SLC25A53: variants seen among roughly 807,000 people sequenced by gnomAD.
The protein encoded by SLC25A53 is solute carrier family 25 member 53.
In SLC25A53, 5 loss-of-function variants were observed where a neutral mutation model predicts 15.0. The ratio of observed to expected loss-of-function variants is 0.33; its 90% CI spans 0.17 to 0.70. The LOEUF (loss-of-function observed/expected upper bound fraction) is 0.70, where lower values mean the gene tolerates loss of function less well. Ranked by LOEUF, SLC25A53 falls within the 30% of genes least tolerant of loss-of-function variation. SLC25A53 has a pLI of 0.67. For missense variants in SLC25A53, 216 were observed against 241.6 expected (o/e 0.89, Z 0.70); for synonymous variants, 95 against 100.0 (o/e 0.95, Z 0.30).
intron 1 of SLC25A53, among the ~76,000 whole-genome samples, chrX:104,138,796 G>T (rs1328089707): frequency 8.9e-6 from 1 of 111,992 alleles, no homozygotes; most frequent in Non-Finnish European, 1.9e-5. Flanking sequence ...GCCAAACTCC[G>T]TGTCGTTCTG....
rs190561780 is a variant in SLC25A53, at chrX:104,101,302, T to A, written c.*3032A>T. The A allele has an allele frequency of 3.6e-5, 4 of 111,712 alleles. No homozygotes were observed. In the East Asian group the frequency reaches 1.1e-3, roughly 32 times the overall value. The allele number at this position is 111,712 out of a possible 1,213,427, so 9.2% of individuals were successfully genotyped here. A position where few individuals can be genotyped will look rare whatever the true frequency, so the allele number is the denominator to read the frequency against. On this transcript the variant is annotated 3_prime_UTR_variant, in exon 2 of 2. Coordinates refer to ENST00000594199, the MANE Select transcript of SLC25A53 (RefSeq NM_001012755.5). ...AGTGCTTTGGGGTTTTTATGGAAGC[T>A]TCATTGCGTAGGCATGATTGATTAA...
chrX:104,149,937 G>A (rs2075479935), intron 1 of SLC25A53, among the ~76,000 whole-genome samples: 1 of 111,483 alleles, frequency 9.0e-6, no homozygotes, highest in Admixed American at 9.6e-5. Flanking sequence ...AGCTCTGTTA[G>A]ATAGTAACCA....
chrX:104,135,308 G>T (rs1052686938), intron 1 of SLC25A53, among the ~76,000 whole-genome samples: 1 of 109,575 alleles, frequency 9.1e-6, no homozygotes, highest in African/African-American at 3.3e-5. Context: ...ATGATCCCCA[G>T]ATTTTCACTC....
At position 104,150,239 on chromosome X, in the gene SLC25A53, G is replaced by GAA. The variant is rs782747085; in HGVS notation, c.-32+6637_-32+6638dup. Among the ~76,000 whole-genome samples, 177 of 52,062 alleles carry GAA rather than the reference G, an allele frequency of 3.4e-3. 2 individuals are homozygous for GAA. The highest frequency in any genetic ancestry group is 0.012 in the African/African-American group (170 of 14,194). 45.2% of individuals were successfully genotyped at this position (52,062 alleles called of 115,157 possible). A position where few individuals can be genotyped will look rare whatever the true frequency, so the allele number is the denominator to read the frequency against. On this transcript the variant is annotated intron_variant, in intron 1 of 1. Transcript: ENST00000594199. ...CAGAGCAAGACTCTGTCTCAAAAAAGAAAAAAAAAAAAAAAAGAAGGTAAC... is the reference window on the plus strand; with the variant it reads ...CAGAGCAAGACTCTGTCTCAAAAAAGAAAAAAAAAAAAAAAAAAGAAGGTAAC...
At chrX:104,116,887 A>G (rs782626458) in intron 1 of SLC25A53, among the ~76,000 whole-genome samples, 2 of 110,457 alleles carry the variant, frequency 1.8e-5, no homozygotes, top group African/African-American at 6.6e-5. Context: ...TGCTCCATCC[A>G]TATCCCCACA....
chrX:104,156,572 G>GTT (rs2075501976), intron 1 of SLC25A53, among the ~76,000 whole-genome samples: 2 of 110,717 alleles, frequency 1.8e-5, no homozygotes, highest in Admixed American at 1.9e-4. Flanking sequence ...CAGACAACAC[G>GTT]TTTTCGCCCT....
intron 1 of SLC25A53, among the ~76,000 whole-genome samples, chrX:104,109,067 A>G (rs2075326079): frequency 8.9e-6 from 1 of 111,849 alleles, no homozygotes; most frequent in South Asian, 3.8e-4. Context: ...CTCAATCCTT[A>G]ATTGAGTAGA....
At chrX:104,126,187 C>T (rs536585907) in intron 1 of SLC25A53, among the ~76,000 whole-genome samples, 1 of 110,747 alleles carries the variant, frequency 9.0e-6, no homozygotes, top group African/African-American at 3.3e-5. Flanking sequence ...CACATGCCTG[C>T]AGTCTTAGCT....
chrX:104,137,391 C>A (rs187598170), intron 1 of SLC25A53, among the ~76,000 whole-genome samples: 1 of 110,565 alleles, frequency 9.0e-6, no homozygotes, highest in African/African-American at 3.3e-5. Flanking sequence ...CCTGGAGATA[C>A]GCTCTGCTTG....
At chrX:104,116,379 G>A (rs782711622) in intron 1 of SLC25A53, among the ~76,000 whole-genome samples, 1 of 111,362 alleles carries the variant, frequency 9.0e-6, no homozygotes, top group South Asian at 3.8e-4. Flanking sequence ...ATGCAGACCT[G>A]AGGACCTGAG....
intron 1 of SLC25A53, among the ~76,000 whole-genome samples, chrX:104,124,492 T>C (rs782016567): frequency 1.3e-4 from 14 of 111,888 alleles, no homozygotes; most frequent in Non-Finnish European, 2.4e-4. Flanking sequence ...CTCATGCCTG[T>C]AATCCCAACA....
At chrX:104,135,263 C>G (rs1391839994) in intron 1 of SLC25A53, among the ~76,000 whole-genome samples, 1 of 110,654 alleles carries the variant, frequency 9.0e-6, no homozygotes, top group African/African-American at 3.3e-5. Context: ...GTGATGGCAT[C>G]CCCTGGCAAG....
chrX:104,110,455 G>C (rs73530831), intron 1 of SLC25A53, among the ~76,000 whole-genome samples: 4,167 of 111,597 alleles, frequency 0.037, 193 homozygotes, highest in African/African-American at 0.13. Flanking sequence ...AGGAACTCTA[G>C]ATCTTGGGGT....
In SLC25A53 at chrX:104,104,478, G is replaced by T. The variant is rs782442457; in HGVS notation, c.780C>A (p.Asn260Lys). Residue 260 changes from asparagine (N) to lysine (K), a missense_variant, in exon 2 of 2, where the codon AAC becomes AAA. Asn to Lys is a moderately conservative substitution (Grantham distance 94, BLOSUM62 0). Coordinates refer to ENST00000594199, the MANE Select transcript of SLC25A53 (RefSeq NM_001012755.5). ...SLWASAQDVW[N>K]TRGRKLLLIY... ...TCAGGAGCAGCTTTCGGCCCCGAGT[G>T]TTCCATACATCCTGGGCAGAGGCCC... is the stretch of plus-strand genomic sequence containing the variant. 5.0e-6 allele frequency: 6 copies of T among 1,210,363 alleles called. No homozygotes were observed. In the African/African-American group the frequency reaches 1.0e-4, roughly 21 times the overall value.
chrX:104,152,064 GT>G (rs112822313), intron 1 of SLC25A53, among the ~76,000 whole-genome samples: 2 of 107,778 alleles, frequency 1.9e-5, no homozygotes, highest in African/African-American at 3.3e-5. Context: ...TTTCTTTTCT[GT>G]TTTTTTTGTT....
rs782700094 is a variant in SLC25A53 at position 104,108,203 on chromosome X, C to A, written c.-31-2915G>T. ...AGGCTTTGGAAAGGGCAGACAGACC[C>A]GAGACTGAATTCTGCCTCTGCCACT... On this transcript the variant is annotated intron_variant, in intron 1 of 1. Transcript: ENST00000594199. Among the ~76,000 whole-genome samples, 4 of 111,557 alleles carry A rather than the reference C, an allele frequency of 3.6e-5. No individual in the cohort carries two copies. In the Admixed American group the frequency reaches 3.8e-4, roughly 11 times the overall value.
At chrX:104,154,295 C>T (rs1472520966) in intron 1 of SLC25A53, among the ~76,000 whole-genome samples, 1 of 112,072 alleles carries the variant, frequency 8.9e-6, no homozygotes, top group African/African-American at 3.2e-5. Context: ...GATATATTAT[C>T]TCACACCTTC....
At chrX:104,125,279 A>C (rs1181330345) in intron 1 of SLC25A53, among the ~76,000 whole-genome samples, 1 of 111,363 alleles carries the variant, frequency 9.0e-6, no homozygotes, top group Non-Finnish European at 1.9e-5. Context: ...TTTTTCTATA[A>C]AAGTTGGGTC....
chrX:104,146,661 AACAG>A (rs1359168787), intron 1 of SLC25A53, among the ~76,000 whole-genome samples: 1 of 111,109 alleles, frequency 9.0e-6, no homozygotes, highest in Non-Finnish European at 1.9e-5. Context: ...ATACACCAAT[AACAG>A]ACAGAGAGCC....
Sources: gnomAD v4.1 joint callset for allele counts (sites outside exome capture counted in the v4.1 genomes callset) on GRCh38, gnomAD v4.1.1 for gene constraint, MANE v1.5 for transcripts, NCBI Gene and HGNC (gene_info 2026-07-23, HGNC 2026-07-21) for gene names.